HDAC9: variants seen among roughly 807,000 people sequenced by gnomAD.
The protein encoded by HDAC9 is MEF-2 interacting transcription repressor (MITR) protein.
In HDAC9, 41 loss-of-function variants were observed where a neutral mutation model predicts 139.4. The observed-to-expected ratio is 0.29, with a 90% CI of 0.23 to 0.38. The LOEUF (loss-of-function observed/expected upper bound fraction) is 0.38, where lower values mean the gene tolerates loss of function less well. Ranked by LOEUF, HDAC9 falls within the 10% of genes least tolerant of loss-of-function variation. The pLI is 1.00. For synonymous variants in HDAC9, 517 were observed against 476.2 expected (o/e 1.09, Z -1.12); for missense variants, 1,147 against 1,297.0 (o/e 0.88, Z 1.78).
rs141652403 is a variant in HDAC9, at chr7:18,939,882, A to C, written c.2937+3940A>C. 4.3e-3 allele frequency among the ~76,000 whole-genome samples: 652 copies of C among 152,314 alleles called. 3 individuals carry two copies. The highest frequency in any genetic ancestry group is 0.015 in the African/African-American group (622 of 41,562). ...TTAAAACATTGGCAGAACCCGCTTT[A>C]GTTTCTCAACACTGAACATGCAATT... On this transcript the variant is annotated intron_variant, in intron 23 of 25. Coordinates refer to ENST00000686413, the MANE Select transcript of HDAC9 (RefSeq NM_178425.4).
In HDAC9 at chr7:18,892,971, T is replaced by C. The variant is rs1051112750; in HGVS notation, c.2803+18375T>C. ...AGGTTGTTACTTGTTGCTTCTCATA[T>C]TTGGCCTTCCTTCTGCAGCTGTGTT... On this transcript the variant is annotated intron_variant, in intron 22 of 25. Coordinates refer to ENST00000686413, the MANE Select transcript of HDAC9 (RefSeq NM_178425.4). Among the ~76,000 whole-genome samples the C allele has an allele frequency of 6.7e-4, 96 of 143,890 alleles. 2 individuals are homozygous for C. The highest frequency in any genetic ancestry group is 6.4e-3 in the Admixed American group (87 of 13,666). The allele number at this position is 143,890 out of a possible 152,430, so 94.4% of individuals were successfully genotyped here.
intron 22 of HDAC9, among the ~76,000 whole-genome samples, chr7:18,903,334 T>A: frequency 6.6e-6 from 1 of 152,254 alleles, no homozygotes; most frequent in East Asian, 1.9e-4. Context: ...ATAGTTTACG[T>A]AAAATACTTG....
intron 8 of HDAC9, among the ~76,000 whole-genome samples, chr7:18,642,486 A>C (rs769033011): frequency 6.6e-6 from 1 of 152,102 alleles, no homozygotes; most frequent in Non-Finnish European, 1.5e-5. Flanking sequence ...CCCACATGGA[A>C]GCAAAATTGG....
intron 2 of HDAC9, among the ~76,000 whole-genome samples, chr7:18,240,645 G>A (rs1309188792): frequency 2.0e-5 from 3 of 151,924 alleles, no homozygotes; most frequent in Non-Finnish European, 4.4e-5. Flanking sequence ...GTCAGATCAC[G>A]TTACTCCTCT....
At chr7:18,940,713 A>G (rs1028971917) in intron 23 of HDAC9, among the ~76,000 whole-genome samples, 3 of 152,144 alleles carry the variant, frequency 2.0e-5, no homozygotes, top group African/African-American at 7.2e-5. Flanking sequence ...TGATTGGCAA[A>G]CAGTGTCACA....
intron 1 of HDAC9, among the ~76,000 whole-genome samples, chr7:18,437,700 A>T (rs1479338625): frequency 3.3e-5 from 5 of 151,780 alleles, no homozygotes; most frequent in Non-Finnish European, 5.9e-5. Context: ...CTTAACTGTT[A>T]GCATCATCAC....
chr7:18,313,204 A>G (rs1271120528), intron 1 of HDAC9, among the ~76,000 whole-genome samples: 2 of 152,144 alleles, frequency 1.3e-5, no homozygotes, highest in Admixed American at 6.6e-5. Flanking sequence ...AGTATTCAAT[A>G]TTAGTGATTG....
intron 6 of HDAC9, among the ~76,000 whole-genome samples, chr7:18,620,757 T>TA (rs1461498645): frequency 1.3e-5 from 2 of 152,134 alleles, no homozygotes; most frequent in Non-Finnish European, 2.9e-5. Context: ...TCCTGTTACT[T>TA]ACGGCCCCGA....
upstream of HDAC9, among the ~76,000 whole-genome samples, chr7:18,289,639 C>T (rs984111201): frequency 6.6e-6 from 1 of 151,996 alleles, no homozygotes; most frequent in Non-Finnish European, 1.5e-5. Context: ...AGTGAGTACT[C>T]CAGATTTAAT....
At chr7:18,437,449 G>T (rs1180283153) in intron 1 of HDAC9, among the ~76,000 whole-genome samples, 1 of 151,476 alleles carries the variant, frequency 6.6e-6, no homozygotes, top group Non-Finnish European at 1.5e-5. Flanking sequence ...TTAAATAATT[G>T]CTCCCATCAA....
rs555708989 is a variant in HDAC9, at chr7:18,882,184, G to A, written c.2803+7588G>A. Reference sequence around the variant, plus strand: ...ACTATATTCGATGTTTCTTGAAATAGGAGTTCATAATTTTTTTTCTTTTTT... The same window carrying A: ...ACTATATTCGATGTTTCTTGAAATAAGAGTTCATAATTTTTTTTCTTTTTT... On this transcript the variant is annotated intron_variant, in intron 22 of 25. Coordinates refer to ENST00000686413, the MANE Select transcript of HDAC9 (RefSeq NM_178425.4). Among the ~76,000 whole-genome samples, 7 of 152,144 alleles carry A rather than the reference G, an allele frequency of 4.6e-5. No individual in the cohort carries two copies. The South Asian group carries it at 1.5e-3, about 32-fold the overall frequency.
chr7:18,777,851 A>C (rs1562934286), intron 16 of HDAC9, among the ~76,000 whole-genome samples: 1 of 151,990 alleles, frequency 6.6e-6, no homozygotes, highest in East Asian at 1.9e-4. Flanking sequence ...TGATTCTCAC[A>C]GAACCAAGAG....
At chr7:18,349,866 A>T (rs1010628104) in intron 1 of HDAC9, among the ~76,000 whole-genome samples, 1 of 152,200 alleles carries the variant, frequency 6.6e-6, no homozygotes, top group African/African-American at 2.4e-5. Context: ...AATACTTAGT[A>T]TATTTCAGTT....
chr7:18,917,461 G>T (rs1210031422), intron 22 of HDAC9, among the ~76,000 whole-genome samples: 1 of 146,468 alleles, frequency 6.8e-6, no homozygotes, highest in African/African-American at 2.4e-5. Context: ...AAAAAAGACA[G>T]TATCTGATTG....
intron 1 of HDAC9, among the ~76,000 whole-genome samples, chr7:18,117,955 T>A (rs1784115133): frequency 6.6e-6 from 1 of 152,186 alleles, no homozygotes; most frequent in Non-Finnish European, 1.5e-5. Flanking sequence ...GTTATTATCA[T>A]ACACATTAGA....
At chr7:18,776,074 G>C (rs1303025162) in intron 16 of HDAC9, among the ~76,000 whole-genome samples, 1 of 152,012 alleles carries the variant, frequency 6.6e-6, no homozygotes, top group African/African-American at 2.4e-5. Flanking sequence ...TAGGAGGTAG[G>C]AATACAGGTA....
intron 2 of HDAC9, among the ~76,000 whole-genome samples, chr7:18,237,142 C>T (rs557003401): frequency 6.6e-6 from 1 of 152,302 alleles, no homozygotes; most frequent in South Asian, 2.1e-4. Context: ...CCCCAGCTTA[C>T]ACTGTTGTTG....
chr7:18,498,387 A>G (rs560152251), intron 2 of HDAC9, among the ~76,000 whole-genome samples: 5 of 152,126 alleles, frequency 3.3e-5, no homozygotes, highest in South Asian at 4.1e-4. Context: ...CTGGGGATTG[A>G]GGTTTTTAAA....
intron 23 of HDAC9, among the ~76,000 whole-genome samples, chr7:18,947,268 G>C (rs1402628813): frequency 1.3e-5 from 2 of 151,888 alleles, no homozygotes; most frequent in East Asian, 3.8e-4. Context: ...TAAATAAAAT[G>C]ATAAAATAGA....
Sources: gnomAD v4.1 joint callset for allele counts (sites outside exome capture counted in the v4.1 genomes callset) on GRCh38, gnomAD v4.1.1 for gene constraint, MANE v1.5 for transcripts, NCBI Gene and HGNC (gene_info 2026-07-23, HGNC 2026-07-21) for gene names.